TNFSF4: variants seen among roughly 807,000 people sequenced by gnomAD.
The protein encoded by TNFSF4 is tumor necrosis factor ligand superfamily member 4.
Under a neutral mutation model 7.3 loss-of-function variants are expected in TNFSF4, and 4 were observed. The observed-to-expected ratio is 0.55, with a 90% confidence interval of 0.27 to 1.25. The LOEUF is 1.25. TNFSF4 is among the 50% of genes most tolerant of loss of function. The pLI, the probability that TNFSF4 is intolerant of heterozygous loss-of-function variation, is 0.12. For synonymous variants in TNFSF4, 76 were observed against 83.7 expected, an observed-to-expected ratio of 0.91 and a Z score of 0.50; for missense variants, 181 against 208.8, an observed-to-expected ratio of 0.87 and a Z score of 0.82.
the TNFSF4 span, among the ~76,000 whole-genome samples, chr1:173,213,144 T>C: frequency 6.6e-6 from 1 of 152,188 alleles, no homozygotes; most frequent in Non-Finnish European, 1.5e-5. Context: ...ATGTACACTT[T>C]TCATTGAAAC....
chr1:173,203,161 G>T (rs989080581), intron 1 of TNFSF4, among the ~76,000 whole-genome samples: 1 of 152,178 alleles, frequency 6.6e-6, no homozygotes, highest in Non-Finnish European at 1.5e-5. Flanking sequence ...TTGATAATAA[G>T]AAGAACCATA....
At chr1:173,211,307 A>G (rs1320116810), upstream of TNFSF4, among the ~76,000 whole-genome samples, 3 of 152,202 alleles carry the variant, frequency 2.0e-5, no homozygotes, top group African/African-American at 7.2e-5. Context: ...TTTTCAACCT[A>G]TTCCTGATCC....
the TNFSF4 span, among the ~76,000 whole-genome samples, chr1:173,232,511 T>C: frequency 1.3e-5 from 2 of 152,216 alleles, no homozygotes; most frequent in Non-Finnish European, 2.9e-5. Flanking sequence ...CCATGTTGAA[T>C]AGCAGTGGTG....
At chr1:173,340,235 C>T in the TNFSF4 span, among the ~76,000 whole-genome samples, 1 of 151,992 alleles carries the variant, frequency 6.6e-6, no homozygotes, top group Non-Finnish European at 1.5e-5. Context: ...CATCAGCTCT[C>T]CTGGATCTCT....
the TNFSF4 span, among the ~76,000 whole-genome samples, chr1:173,296,493 C>G: frequency 2.0e-5 from 3 of 151,908 alleles, no homozygotes; most frequent in Non-Finnish European, 4.4e-5. Context: ...TCTAAATCAG[C>G]TTTAAAAGCC....
the TNFSF4 span, among the ~76,000 whole-genome samples, chr1:173,441,375 C>A: frequency 1.3e-5 from 2 of 152,126 alleles, no homozygotes; most frequent in African/African-American, 4.8e-5. Context: ...ATAATCCCAG[C>A]ACTTTGGGAG....
At chr1:173,246,087 G>T in the TNFSF4 span, among the ~76,000 whole-genome samples, 9 of 152,148 alleles carry the variant, frequency 5.9e-5, no homozygotes, top group African/African-American at 2.2e-4. Flanking sequence ...TTGGATATAT[G>T]CTGAGTAGGG....
At chr1:173,230,309 C>T in the TNFSF4 span, among the ~76,000 whole-genome samples, 4 of 152,216 alleles carry the variant, frequency 2.6e-5, no homozygotes, top group Non-Finnish European at 5.9e-5. Context: ...GTAAACTGAA[C>T]AACCTGCTCC....
the TNFSF4 span, among the ~76,000 whole-genome samples, chr1:173,334,182 CTCTAA>C: frequency 1.1e-4 from 17 of 152,036 alleles, no homozygotes; most frequent in African/African-American, 4.1e-4. Context: ...AGAATTGGCT[CTCTAA>C]TCTGATTATA....
chr1:173,292,224 A>G, the TNFSF4 span, among the ~76,000 whole-genome samples: 1 of 152,334 alleles, frequency 6.6e-6, no homozygotes, highest in East Asian at 1.9e-4. Context: ...CATAGATGCA[A>G]AAATCTTCAA....
the TNFSF4 span, among the ~76,000 whole-genome samples, chr1:173,240,528 T>C: frequency 6.6e-6 from 1 of 152,200 alleles, no homozygotes; most frequent in Non-Finnish European, 1.5e-5. Context: ...TAAACTTAAA[T>C]TATTATTTTT....
chr1:173,450,088 AG>A, the TNFSF4 span, among the ~76,000 whole-genome samples: 1 of 152,152 alleles, frequency 6.6e-6, no homozygotes, highest in Admixed American at 6.5e-5. Context: ...AAATGAGAGA[AG>A]AAACATCACT....
chr1:173,254,553 C>T, the TNFSF4 span, among the ~76,000 whole-genome samples: 1 of 152,246 alleles, frequency 6.6e-6, no homozygotes, highest in South Asian at 2.1e-4. Context: ...CAAAGTGACT[C>T]CATTTTGGCT....
chr1:173,237,650 A>G, the TNFSF4 span, among the ~76,000 whole-genome samples: 1 of 152,202 alleles, frequency 6.6e-6, no homozygotes, highest in Non-Finnish European at 1.5e-5. Context: ...ATGCAATCCC[A>G]TTCACAATTG....
chr1:173,366,707 C>T, the TNFSF4 span, among the ~76,000 whole-genome samples: 2 of 152,086 alleles, frequency 1.3e-5, no homozygotes, highest in African/African-American at 2.4e-5. Flanking sequence ...GATCATTGTG[C>T]ACTGTATGCC....
rs186813785 is a variant in TNFSF4 at position 173,186,288 on chromosome 1, C to T, written c.*228G>A. Reference sequence around the variant, plus strand: ...GGCTCAAGGCAATCTTGGGGTGTGACGGCTAGGCAATTTAGAAAATATAAG... The same window carrying T: ...GGCTCAAGGCAATCTTGGGGTGTGATGGCTAGGCAATTTAGAAAATATAAG... On this transcript the variant is annotated 3_prime_UTR_variant, in exon 3 of 3. Transcript: ENST00000281834. 1.0e-4 allele frequency: 45 copies of T among 450,480 alleles called. No homozygotes were observed. The highest frequency in any genetic ancestry group is 6.8e-4 in the African/African-American group (34 of 49,846). 27.9% of individuals were successfully genotyped at this position (450,480 alleles called of 1,614,324 possible). A position where few individuals can be genotyped will look rare whatever the true frequency, so the allele number is the denominator to read the frequency against.
the TNFSF4 span, among the ~76,000 whole-genome samples, chr1:173,225,137 T>C: frequency 6.6e-6 from 1 of 152,152 alleles, no homozygotes; most frequent in Non-Finnish European, 1.5e-5. Context: ...GAAGTGAAGG[T>C]TATGTGGTAA....
chr1:173,282,233 G>C, the TNFSF4 span, among the ~76,000 whole-genome samples: 2 of 152,096 alleles, frequency 1.3e-5, no homozygotes, highest in African/African-American at 2.4e-5. Flanking sequence ...AATGTTTGAG[G>C]TGATGGATAT....
At chr1:173,366,554 T>A in the TNFSF4 span, among the ~76,000 whole-genome samples, 1 of 152,138 alleles carries the variant, frequency 6.6e-6, no homozygotes, top group African/African-American at 2.4e-5. Context: ...AAATAAGACC[T>A]AGTATCTGAT....
Sources: gnomAD v4.1 joint callset for allele counts (sites outside exome capture counted in the v4.1 genomes callset) on GRCh38, gnomAD v4.1.1 for gene constraint, MANE v1.5 for transcripts, NCBI Gene and HGNC (gene_info 2026-07-23, HGNC 2026-07-21) for gene names.